Variants in HLCS observed in about 807,000 individuals in gnomAD.
HLCS encodes holocarboxylase synthetase.
In HLCS, 53 loss-of-function variants were observed where a neutral mutation model predicts 75.0. That is an observed-to-expected ratio of 0.71 (90% CI 0.57 to 0.89). HLCS has a LOEUF of 0.89. HLCS is among the 40% of genes least tolerant of loss of function. The probability of loss-of-function intolerance (pLI) is 0.00; values close to 1 mark genes in which losing one functional copy is unlikely to be tolerated. For synonymous variants in HLCS, 431 were observed against 428.6 expected (o/e 1.01, Z -0.07); for missense variants, 966 against 1,074.0 (o/e 0.90, Z 1.41).
intron 6 of HLCS, among the ~76,000 whole-genome samples, chr21:36,892,298 T>C (rs993760183): frequency 6.6e-6 from 1 of 152,064 alleles, no homozygotes; most frequent in Non-Finnish European, 1.5e-5. Context: ...AAGCCATGAC[T>C]CCAAAAGATC....
At chr21:36,957,712 G>C (rs1435341976) in intron 2 of HLCS, among the ~76,000 whole-genome samples, 1 of 152,100 alleles carries the variant, frequency 6.6e-6, no homozygotes. Context: ...GAGGCAGGCG[G>C]ATCACGAGGT....
chr21:36,911,294 T>C (rs900798992), intron 5 of HLCS, among the ~76,000 whole-genome samples: 1 of 152,110 alleles, frequency 6.6e-6, no homozygotes, highest in African/African-American at 2.4e-5. Flanking sequence ...AGACCACTCG[T>C]CTCAGCCCCA....
At chr21:36,771,216 T>C (rs906679865) in intron 6 of HLCS, among the ~76,000 whole-genome samples, 1 of 124,262 alleles carries the variant, frequency 8.0e-6, no homozygotes, top group African/African-American at 4.2e-5. Flanking sequence ...CGAGACTCCG[T>C]CTCAAATAAA....
intron 6 of HLCS, among the ~76,000 whole-genome samples, chr21:36,851,180 A>C (rs1210719383): frequency 1.3e-5 from 2 of 152,222 alleles, no homozygotes; most frequent in East Asian, 3.8e-4. Context: ...AATCCTAGGC[A>C]TATACCCAAA....
Position 36,843,769 on chromosome 21 carries a change from G to A in HLCS, c.1892+53091C>T, listed in dbSNP as rs146773126. On this transcript the variant is annotated intron_variant, in intron 6 of 10. Transcript: ENST00000674895. ...TGTAATCCCAACACTTAAGGAGGTC[G>A]AGAGGTAGGAGGCCTGCTTCAAGCC... is the stretch of plus-strand genomic sequence containing the variant. 3.9e-3 allele frequency among the ~76,000 whole-genome samples: 594 copies of A among 152,168 alleles called. 3 individuals carry two copies. The highest frequency in any genetic ancestry group is 0.014 in the African/African-American group (569 of 41,518).
At chr21:36,986,336 G>A (rs576634819) in intron 1 of HLCS, among the ~76,000 whole-genome samples, 13 of 152,296 alleles carry the variant, frequency 8.5e-5, no homozygotes, top group Admixed American at 5.9e-4. Context: ...ATTCTGTTAC[G>A]GAAGCATAAA....
rs1330249547 is a variant in HLCS at position 36,938,824 on chromosome 21, T to C, written c.493+8A>G. The C allele has an allele frequency of 6.2e-7, 1 of 1,613,904 alleles. No individual in the cohort carries two copies. ...TGGCCAATAAAAACATTTTCTAAAG[T>C]TACTTACACACAATCTTTTGGGGTA... On this transcript the variant is annotated splice_region_variant and intron_variant, in intron 3 of 10. Coordinates refer to ENST00000674895, the MANE Select transcript of HLCS (RefSeq NM_001352514.2).
upstream of HLCS, among the ~76,000 whole-genome samples, chr21:36,966,841 C>A (rs2068627206): frequency 6.8e-6 from 1 of 147,974 alleles, no homozygotes; most frequent in Non-Finnish European, 1.5e-5. Context: ...GAGGCCGCGC[C>A]CGGCTGTGTG....
At chr21:36,758,536 C>T (rs2089694326) in intron 9 of HLCS, among the ~76,000 whole-genome samples, 1 of 152,182 alleles carries the variant, frequency 6.6e-6, no homozygotes, top group Non-Finnish European at 1.5e-5. Context: ...CTCAGTCTCG[C>T]AAGTAGCTGG....
intron 7 of HLCS, 70 bp from the exon 8 acceptor site, chr21:36,765,242 A>G (rs1395823346): frequency 7.3e-7 from 1 of 1,373,846 alleles, no homozygotes; most frequent in Non-Finnish European, 1.0e-6. Flanking sequence ...ACGTCATGCC[A>G]GGGCCACACA....
At chr21:36,926,561 C>G (rs912763002) in intron 5 of HLCS, among the ~76,000 whole-genome samples, 2 of 152,010 alleles carry the variant, frequency 1.3e-5, no homozygotes, top group Non-Finnish European at 2.9e-5. Flanking sequence ...TAACTCATAA[C>G]AAATAACCAA....
intron 1 of HLCS, among the ~76,000 whole-genome samples, chr21:36,982,367 C>A (rs1250231877): frequency 6.6e-6 from 1 of 152,190 alleles, no homozygotes; most frequent in Non-Finnish European, 1.5e-5. Flanking sequence ...GGACCCATTA[C>A]TACACCAGGC....
chr21:36,927,444 G>A (rs1372143754), intron 5 of HLCS, among the ~76,000 whole-genome samples: 2 of 152,336 alleles, frequency 1.3e-5, no homozygotes, highest in East Asian at 1.9e-4. Flanking sequence ...TCACAGTAAC[G>A]GAGAAGCACA....
At chr21:36,985,563 C>T (rs1399425153) in intron 1 of HLCS, among the ~76,000 whole-genome samples, 2 of 152,134 alleles carry the variant, frequency 1.3e-5, no homozygotes, top group African/African-American at 4.8e-5. Context: ...ATCAAGAGAT[C>T]GAGACCATCC....
At chr21:36,865,575 A>T (rs1243879104) in intron 6 of HLCS, among the ~76,000 whole-genome samples, 1 of 152,174 alleles carries the variant, frequency 6.6e-6, no homozygotes, top group Non-Finnish European at 1.5e-5. Flanking sequence ...TCTCCTAAAC[A>T]TACCCAGAGA....
At chr21:36,946,356 C>T (rs1262922613) in intron 2 of HLCS, among the ~76,000 whole-genome samples, 1 of 152,078 alleles carries the variant, frequency 6.6e-6, no homozygotes, top group Non-Finnish European at 1.5e-5. Context: ...ATCCTCCCAA[C>T]TCAGCCTCCC....
At chr21:36,943,002 C>G (rs1001923070) in intron 2 of HLCS, among the ~76,000 whole-genome samples, 1 of 151,808 alleles carries the variant, frequency 6.6e-6, no homozygotes, top group Non-Finnish European at 1.5e-5. Flanking sequence ...ACATCAGTCA[C>G]GAAGGAAATG....
chr21:36,887,502 C>A (rs1242592814), intron 6 of HLCS, among the ~76,000 whole-genome samples: 1 of 152,138 alleles, frequency 6.6e-6, no homozygotes, highest in Non-Finnish European at 1.5e-5. Flanking sequence ...TACCAGGCCA[C>A]AGAATAATTC....
At chr21:36,844,702 T>TTTC (rs765568156) in intron 6 of HLCS, among the ~76,000 whole-genome samples, 7 of 152,322 alleles carry the variant, frequency 4.6e-5, no homozygotes, top group East Asian at 3.9e-4. Flanking sequence ...CTTTTTTTTT[T>TTTC]TTTTGTACTT....
Sources: allele counts gnomAD v4.1 joint callset (sites outside exome capture counted in the v4.1 genomes callset), GRCh38; gene constraint gnomAD v4.1.1; transcripts MANE v1.5; gene names NCBI Gene and HGNC (gene_info 2026-07-23, HGNC 2026-07-21).